The following PLCB1 variants were observed in gnomAD, a reference collection of about 807,000 sequenced individuals.
PLCB1 encodes the protein phospholipase C beta 1.
Under a neutral mutation model 161.8 loss-of-function variants are expected in PLCB1, and 46 were observed. That is an observed-to-expected ratio of 0.28 (90% CI 0.22 to 0.36). The LOEUF (loss-of-function observed/expected upper bound fraction) is 0.36, where lower values mean the gene tolerates loss of function less well. PLCB1 is among the 10% of genes least tolerant of loss of function. The probability of loss-of-function intolerance (pLI) is 1.00; values close to 1 mark genes in which losing one functional copy is unlikely to be tolerated. For synonymous variants in PLCB1, 517 were observed against 503.7 expected, an observed-to-expected ratio of 1.03 and a Z score of -0.35; for missense variants, 1,016 against 1,472.5, an observed-to-expected ratio of 0.69 and a Z score of 5.07.
At chr20:8,398,842 T>C (rs1158238898) in intron 3 of PLCB1, among the ~76,000 whole-genome samples, 2 of 152,046 alleles carry the variant, frequency 1.3e-5, no homozygotes, top group African/African-American at 4.8e-5. Flanking sequence ...ATCAGGAGAA[T>C]TAGCTCTCTA....
chr20:8,593,318 A>G (rs1362577958), intron 3 of PLCB1, among the ~76,000 whole-genome samples: 1 of 152,068 alleles, frequency 6.6e-6, no homozygotes, highest in Non-Finnish European at 1.5e-5. Flanking sequence ...GACTACCTGC[A>G]CAAGCCACCA....
chr20:8,171,185 T>C (rs1264050154), intron 2 of PLCB1, among the ~76,000 whole-genome samples: 1 of 152,050 alleles, frequency 6.6e-6, no homozygotes, highest in East Asian at 1.9e-4. Flanking sequence ...CAAGAAAGAG[T>C]ATGCTACTTT....
chr20:8,704,692 G>T lies in PLCB1; in HGVS notation c.1168-3978G>T, dbSNP rs532894463. 5.9e-5 allele frequency among the ~76,000 whole-genome samples: 9 copies of T among 152,304 alleles called. 1 individual carries two copies. Among genetic ancestry groups the T allele is most frequent in the Middle Eastern group, 6.8e-3 (2 of 294 alleles). On this transcript the variant is annotated intron_variant, in intron 11 of 31. Transcript: ENST00000338037. ...ACATCCAATTGTTTACATATTATCT[G>T]TGGCTGCTTTGGGGCTATGCATTAG...
chr20:8,472,725 C>T (rs139739312), intron 3 of PLCB1, among the ~76,000 whole-genome samples: 263 of 152,004 alleles, frequency 1.7e-3, no homozygotes, highest in African/African-American at 6.0e-3. Flanking sequence ...ATTGATCACC[C>T]AAGTATGGTG....
intron 3 of PLCB1, among the ~76,000 whole-genome samples, chr20:8,403,215 C>G (rs976737466): frequency 6.6e-6 from 1 of 152,092 alleles, no homozygotes; most frequent in African/African-American, 2.4e-5. Context: ...TTGAAACCCT[C>G]CCTCCTCAGC....
intron 2 of PLCB1, among the ~76,000 whole-genome samples, chr20:8,358,883 A>G (rs760160446): frequency 1.7e-4 from 26 of 152,166 alleles, no homozygotes; most frequent in Non-Finnish European, 2.6e-4. Context: ...TCACCAACAT[A>G]TTGCAATAAA....
chr20:8,872,214 A>G (rs1987632869), intron 31 of PLCB1, among the ~76,000 whole-genome samples: 1 of 152,192 alleles, frequency 6.6e-6, no homozygotes, highest in Non-Finnish European at 1.5e-5. Flanking sequence ...ATTTAGGAAA[A>G]TCTACCCAAA....
chr20:8,443,284 C>G (rs546269627), intron 3 of PLCB1, among the ~76,000 whole-genome samples: 2 of 152,070 alleles, frequency 1.3e-5, no homozygotes, highest in African/African-American at 4.8e-5. Flanking sequence ...CTGGCCATCT[C>G]GTGAGTTTTA....
At chr20:8,427,424 A>G (rs552329431) in intron 3 of PLCB1, among the ~76,000 whole-genome samples, 1 of 152,068 alleles carries the variant, frequency 6.6e-6, no homozygotes, top group Non-Finnish European at 1.5e-5. Flanking sequence ...AAATACAGAC[A>G]TCAGCTGGAA....
intron 2 of PLCB1, among the ~76,000 whole-genome samples, chr20:8,193,782 T>C (rs2051995047): frequency 2.0e-5 from 3 of 151,578 alleles, no homozygotes; most frequent in Non-Finnish European, 4.4e-5. Flanking sequence ...AACCAGAACA[T>C]TGCCCTGTAG....
intron 2 of PLCB1, among the ~76,000 whole-genome samples, chr20:8,324,199 G>GGTGT (rs60079589): frequency 0.014 from 2,108 of 147,070 alleles, 42 homozygotes; most frequent in African/African-American, 0.043. Context: ...AACTGGTAGG[G>GGTGT]GTGTGTGTGT....
chr20:8,808,838 T>G (rs558175360), intron 31 of PLCB1, among the ~76,000 whole-genome samples: 2 of 152,338 alleles, frequency 1.3e-5, no homozygotes, highest in Admixed American at 1.3e-4. Flanking sequence ...AAGAGTCCAT[T>G]TTAAAATTTT....
chr20:8,630,672 C>A (rs6055957), intron 4 of PLCB1, among the ~76,000 whole-genome samples: 34,494 of 152,004 alleles, frequency 0.23, 4,227 homozygotes, highest in Admixed American at 0.32. Context: ...ATATGTTTCC[C>A]CAAATGAACT....
At chr20:8,484,107 C>T (rs533228583) in intron 3 of PLCB1, among the ~76,000 whole-genome samples, 39 of 152,318 alleles carry the variant, frequency 2.6e-4, no homozygotes, top group African/African-American at 7.7e-4. Flanking sequence ...CTCACCACAA[C>T]CTCAGCCTCA....
At chr20:8,782,093 C>A (rs1300915092) in intron 27 of PLCB1, among the ~76,000 whole-genome samples, 1 of 151,998 alleles carries the variant, frequency 6.6e-6, no homozygotes, top group Non-Finnish European at 1.5e-5. Flanking sequence ...AAATAAGCAG[C>A]TATTTTAATA....
intron 3 of PLCB1, among the ~76,000 whole-genome samples, chr20:8,486,481 ATTTTTTTTTTTT>A (rs71183092): frequency 1.4e-4 from 12 of 85,810 alleles, no homozygotes; most frequent in African/African-American, 3.7e-4. Flanking sequence ...ATTCCAAAAT[ATTTTTTTTTTTT>A]TTTTTTTTTT....
At chr20:8,818,396 T>C (rs1190675197) in intron 31 of PLCB1, among the ~76,000 whole-genome samples, 2 of 152,222 alleles carry the variant, frequency 1.3e-5, no homozygotes, top group Non-Finnish European at 2.9e-5. Flanking sequence ...TATCTCCATA[T>C]GCTAGTCAGA....
At chr20:8,723,097 A>C (rs1979737503) in intron 15 of PLCB1, among the ~76,000 whole-genome samples, 1 of 152,226 alleles carries the variant, frequency 6.6e-6, no homozygotes, top group Non-Finnish European at 1.5e-5. Flanking sequence ...CAACGCTTGT[A>C]GCTCTACAAT....
chr20:8,272,607 A>C (rs541839472), intron 2 of PLCB1, among the ~76,000 whole-genome samples: 3 of 151,498 alleles, frequency 2.0e-5, no homozygotes, highest in Non-Finnish European at 4.4e-5. Context: ...CCTCGAGTAT[A>C]CCCACATTAG....
Sources: allele counts gnomAD v4.1 joint callset (sites outside exome capture counted in the v4.1 genomes callset), GRCh38; gene constraint gnomAD v4.1.1; transcripts MANE v1.5; gene names NCBI Gene and HGNC (gene_info 2026-07-23, HGNC 2026-07-21).